Variants in CNTRL observed in about 807,000 individuals in gnomAD.
CNTRL encodes the protein centriolin.
Under a neutral mutation model 303.7 loss-of-function variants are expected in CNTRL, and 233 were observed. The observed-to-expected ratio is 0.77, with a 90% confidence interval of 0.69 to 0.86. CNTRL has a LOEUF of 0.86. Among genes scored for constraint, CNTRL ranks in the 40% least tolerant of loss-of-function variants. CNTRL has a pLI of 0.00. For synonymous variants in CNTRL, 900 were observed against 922.2 expected (o/e 0.98, Z 0.44); for missense variants, 2,524 against 2,650.6 (o/e 0.95, Z 1.05).
At chr9:121,091,237 A>G (rs910275288) in intron 4 of CNTRL, among the ~76,000 whole-genome samples, 1 of 152,236 alleles carries the variant, frequency 6.6e-6, no homozygotes, top group Non-Finnish European at 1.5e-5. Flanking sequence ...ACATGAACAC[A>G]TTATAATAGA....
intron 9 of CNTRL, among the ~76,000 whole-genome samples, chr9:121,113,176 TAAAAC>T (rs1190642223): frequency 6.6e-6 from 1 of 152,070 alleles, no homozygotes; most frequent in Non-Finnish European, 1.5e-5. Flanking sequence ...GAAACCAAAA[TAAAAC>T]ACCCATATTT....
chr9:121,158,109 G>A lies in CNTRL; in HGVS notation c.4764G>A (p.Gln1588=). The A allele has an allele frequency of 6.2e-7, 1 of 1,613,928 alleles. No homozygotes were observed. Among genetic ancestry groups the A allele is most frequent in the South Asian group, 1.1e-5 (1 of 91,070 alleles). The change falls in exon 30 of 44, where the codon CAG becomes CAA. Residue 1588 remains glutamine, a splice_region_variant and synonymous_variant. Coordinates refer to ENST00000373855, the MANE Select transcript of CNTRL (RefSeq NM_007018.6). ...CCGAGCTGGAAAAGCTGAAAAGCCAGGTATGGCAATAGACACCTTGAAAAA... is the reference window on the plus strand; with the variant it reads ...CCGAGCTGGAAAAGCTGAAAAGCCAAGTATGGCAATAGACACCTTGAAAAA... ...KRAELEKLKS[Q]VTSQQQEMAV... is the part of the protein sequence containing the mutation.
intron 13 of CNTRL, among the ~76,000 whole-genome samples, chr9:121,124,944 GA>G (rs5900472): frequency 0.66 from 90,233 of 135,800 alleles, 29,832 homozygotes; most frequent in East Asian, 0.93. Flanking sequence ...AACTTTGTCT[GA>G]AAAAAAAAAA....
rs544086599 is a variant in CNTRL, at chr9:121,092,455, CTA to C, written c.348+2061_348+2062del. On this transcript the variant is annotated intron_variant, in intron 4 of 43. Transcript: ENST00000373855. ...AGATAGATAGATAGATAATATATAT[CTA>C]TATATATATAATATATATCTATATA... Among the ~76,000 whole-genome samples the C allele has an allele frequency of 3.0e-4, 33 of 109,488 alleles. 3 individuals are homozygous for C. The highest frequency in any genetic ancestry group is 4.4e-3 in the Middle Eastern group (1 of 228). 71.8% of individuals were successfully genotyped at this position (109,488 alleles called of 152,430 possible).
At chr9:121,081,000 A>G (rs2048116512) in intron 2 of CNTRL, among the ~76,000 whole-genome samples, 1 of 152,238 alleles carries the variant, frequency 6.6e-6, no homozygotes, top group Non-Finnish European at 1.5e-5. Flanking sequence ...GCTGTATAGA[A>G]ATAGGATTGG....
At chr9:121,121,141 G>A (rs1252202453) in intron 12 of CNTRL, among the ~76,000 whole-genome samples, 1 of 152,046 alleles carries the variant, frequency 6.6e-6, no homozygotes, top group Non-Finnish European at 1.5e-5. Flanking sequence ...TTTCTGAATA[G>A]CCAATAGAAT....
At chr9:121,133,929 G>C (rs562433712) in intron 14 of CNTRL, among the ~76,000 whole-genome samples, 7 of 152,066 alleles carry the variant, frequency 4.6e-5, no homozygotes, top group Non-Finnish European at 8.8e-5. Context: ...CATAAACACA[G>C]AATAATTATC....
At chr9:121,075,674 C>A (rs772592346) in intron 1 of CNTRL, among the ~76,000 whole-genome samples, 2 of 152,182 alleles carry the variant, frequency 1.3e-5, no homozygotes, top group Non-Finnish European at 2.9e-5. Flanking sequence ...TGTGTCTGAG[C>A]CTTCCTGATC....
rs542021255 is a variant in CNTRL at position 121,088,174 on chromosome 9, G to A, written c.-31-122G>A. The A allele has an allele frequency of 2.1e-5, 13 of 613,606 alleles. No individual in the cohort carries two copies. The African/African-American group carries it at 2.2e-4, about 10-fold the overall frequency. The allele number at this position is 613,606 out of a possible 1,614,324, so 38.0% of individuals were successfully genotyped here. Reference sequence around the variant, plus strand: ...GTGTCTGCTCCATCAGCTTGGAGTAGTATGGGTCCTAGCATTTATGGCCTC... The same window carrying A: ...GTGTCTGCTCCATCAGCTTGGAGTAATATGGGTCCTAGCATTTATGGCCTC... On this transcript the variant is annotated intron_variant, in intron 2 of 43. Coordinates refer to ENST00000373855, the MANE Select transcript of CNTRL (RefSeq NM_007018.6).
At chr9:121,084,761 G>C (rs111935393) in intron 2 of CNTRL, among the ~76,000 whole-genome samples, 12,316 of 152,030 alleles carry the variant, frequency 0.081, 549 homozygotes, top group Non-Finnish European at 0.11. Context: ...AGCCAGGATG[G>C]TCTCGATCTC....
intron 11 of CNTRL, among the ~76,000 whole-genome samples, chr9:121,115,899 A>G (rs1305976622): frequency 2.0e-5 from 3 of 152,206 alleles, no homozygotes; most frequent in Non-Finnish European, 1.5e-5. Flanking sequence ...TTACTTTCAG[A>G]TTTTATACTA....
chr9:121,110,883 CAG>C (rs200086166), intron 8 of CNTRL, among the ~76,000 whole-genome samples: 1,825 of 152,222 alleles, frequency 0.012, 52 homozygotes, highest in Admixed American at 0.057. Context: ...ATTTCTTCAA[CAG>C]ATATTTATTG....
At chr9:121,100,428 C>A (rs1377859778) in intron 7 of CNTRL, among the ~76,000 whole-genome samples, 1 of 152,182 alleles carries the variant, frequency 6.6e-6, no homozygotes, top group Non-Finnish European at 1.5e-5. Flanking sequence ...TGGAAAGGAA[C>A]AACTGGTACC....
At chr9:121,139,201 C>G (rs2051364416) in intron 16 of CNTRL, among the ~76,000 whole-genome samples, 1 of 152,142 alleles carries the variant, frequency 6.6e-6, no homozygotes, top group Non-Finnish European at 1.5e-5. Flanking sequence ...TAGCTGTTCT[C>G]ACAGTAATCT....
At chr9:121,098,969 G>A (rs1047566982) in intron 7 of CNTRL, among the ~76,000 whole-genome samples, 2 of 152,210 alleles carry the variant, frequency 1.3e-5, no homozygotes, top group Non-Finnish European at 2.9e-5. Context: ...AGGGGAGGGA[G>A]CAGCTTGTTC....
chr9:121,161,406 A>G (rs2052850019), intron 32 of CNTRL: 1 of 375,912 alleles, frequency 2.7e-6, no homozygotes, highest in African/African-American at 2.1e-5. Flanking sequence ...TTTTTAATTT[A>G]TTTTGATCAA....
At chr9:121,152,403 A>C in intron 25 of CNTRL, 82 bp from the exon 26 acceptor site, 2 of 1,142,514 alleles carry the variant, frequency 1.8e-6, no homozygotes, top group South Asian at 2.6e-5. Context: ...CTTTAACCAC[A>C]GTTAATTTCA....
rs561277130 is a variant in CNTRL at position 121,154,996 on chromosome 9, T to G, written c.4365+83T>G. 8.1e-7 allele frequency: 1 copy of G among 1,232,356 alleles called. No homozygotes were observed. The highest frequency in any genetic ancestry group is 2.3e-5 in the East Asian group (1 of 42,700). The allele number at this position is 1,232,356 out of a possible 1,614,324, so 76.3% of individuals were successfully genotyped here. The stretch of plus-strand genomic sequence containing the variant: ...CACCTGAAGGATTAGAAAGAGAATG[T>G]GTGTGATAAGAGGACAGTTGTCCAA... On this transcript the variant is annotated intron_variant, in intron 27 of 43. Transcript: ENST00000373855.
At chr9:121,144,305 T>A (rs558217041) in intron 20 of CNTRL, among the ~76,000 whole-genome samples, 67 of 152,292 alleles carry the variant, frequency 4.4e-4, no homozygotes, top group African/African-American at 1.6e-3. Flanking sequence ...CTGAAAGGAA[T>A]CATCAAATAA....
Sources: gnomAD v4.1 joint callset for allele counts (sites outside exome capture counted in the v4.1 genomes callset) on GRCh38, gnomAD v4.1.1 for gene constraint, MANE v1.5 for transcripts, NCBI Gene and HGNC (gene_info 2026-07-23, HGNC 2026-07-21) for gene names.